The following ARHGAP10 variants were observed in gnomAD, a reference collection of about 807,000 sequenced individuals.
ARHGAP10 encodes the protein Rho GTPase activating protein 10.
ARHGAP10 carries 87 observed loss-of-function variants against 108.6 expected under a neutral mutation model. That is an observed-to-expected ratio of 0.80 (90% CI 0.67 to 0.96). ARHGAP10 has a LOEUF of 0.96. ARHGAP10 is among the 40% of genes least tolerant of loss of function. ARHGAP10 has a pLI of 0.00. For synonymous variants in ARHGAP10, 347 were observed against 341.1 expected, an observed-to-expected ratio of 1.02 and a Z score of -0.19; for missense variants, 939 against 954.5, an observed-to-expected ratio of 0.98 and a Z score of 0.21.
In ARHGAP10 at chr4:147,741,792, GCACACACACACACACACACACACA is replaced by G. The variant is rs112095776; in HGVS notation, c.154+9351_154+9374del. ...TACACACACACACACACACACACACGCACACACACACACACACACACACACACACACACACACCAGGCGCTTTGC... is the reference window on the plus strand; with the variant it reads ...TACACACACACACACACACACACACGCACACACACACACCAGGCGCTTTGC... On this transcript the variant is annotated intron_variant, in intron 1 of 22. Transcript: ENST00000336498. 1.9e-4 allele frequency among the ~76,000 whole-genome samples: 11 copies of G among 57,664 alleles called. No individual in the cohort carries two copies. The East Asian group carries it at 3.4e-3, about 18-fold the overall frequency. The allele number at this position is 57,664 out of a possible 152,430, so 37.8% of individuals were successfully genotyped here.
intron 3 of ARHGAP10, among the ~76,000 whole-genome samples, chr4:147,831,472 A>G (rs1055600676): frequency 2.6e-5 from 4 of 152,200 alleles, no homozygotes; most frequent in Non-Finnish European, 5.9e-5. Flanking sequence ...AGTATTTTAT[A>G]TGGCATGTGA....
chr4:147,757,508 C>A (rs1267078348), intron 1 of ARHGAP10, among the ~76,000 whole-genome samples: 2 of 152,112 alleles, frequency 1.3e-5, no homozygotes, highest in African/African-American at 4.8e-5. Context: ...GGCAGTGTAG[C>A]TTTGAGAGAA....
chr4:147,952,003 A>G (rs906275292), intron 15 of ARHGAP10, among the ~76,000 whole-genome samples: 3 of 152,180 alleles, frequency 2.0e-5, no homozygotes, highest in Non-Finnish European at 2.9e-5. Flanking sequence ...GTAATTTTAT[A>G]TAAATAGAAT....
At position 147,837,848 on chromosome 4, in the gene ARHGAP10, C is replaced by T. The variant is rs533117657; in HGVS notation, c.313-9303C>T. Among the ~76,000 whole-genome samples, 40 of 151,744 alleles carry T rather than the reference C, an allele frequency of 2.6e-4. No homozygotes were observed. In the South Asian group the frequency reaches 7.7e-3, roughly 29 times the overall value. ...GGAAGGGGTTTCAAGTGCTGGGCAG[C>T]CCAAAAGGACTGATGTTCCTGTATG... On this transcript the variant is annotated intron_variant, in intron 3 of 22. Transcript: ENST00000336498.
Position 147,732,210 on chromosome 4 carries a change from T to G in ARHGAP10, c.-92T>G. ...GGCCTGCTAGCTCCTCTGTGCTCCC[T>G]GAACGCGCGGCGCCGCACCTGGCAG... On this transcript the variant is annotated 5_prime_UTR_variant, in exon 1 of 23. Transcript: ENST00000336498. The G allele has an allele frequency of 7.5e-7, 1 of 1,339,952 alleles. No individual in the cohort carries two copies. Among genetic ancestry groups the G allele is most frequent in the Non-Finnish European group, 9.7e-7 (1 of 1,033,176 alleles). 83.0% of individuals were successfully genotyped at this position (1,339,952 alleles called of 1,614,324 possible).
chr4:147,793,005 A>T (rs113890335), intron 1 of ARHGAP10, among the ~76,000 whole-genome samples: 16,930 of 151,934 alleles, frequency 0.11, 2,863 homozygotes, highest in African/African-American at 0.37. Context: ...GGGTGTGGTG[A>T]TGCATGCCTG....
chr4:147,753,301 A>G (rs1729235166), intron 1 of ARHGAP10, among the ~76,000 whole-genome samples: 1 of 152,038 alleles, frequency 6.6e-6, no homozygotes, highest in Admixed American at 6.6e-5. Context: ...CTGTCAGTTC[A>G]GGAAGCTCAT....
chr4:148,067,437 G>C (rs761082200), intron 22 of ARHGAP10, among the ~76,000 whole-genome samples: 6 of 152,200 alleles, frequency 3.9e-5, no homozygotes, highest in Non-Finnish European at 8.8e-5. Flanking sequence ...TGAGAAGACA[G>C]ACTGGCAGGT....
intron 3 of ARHGAP10, among the ~76,000 whole-genome samples, chr4:147,825,810 C>T (rs4835459): frequency 0.9 from 136,911 of 152,200 alleles, 62,699 homozygotes; most frequent in Non-Finnish European, 0.99. Flanking sequence ...AGTTGTACTT[C>T]CCTGGCATCC....
At chr4:147,756,896 T>C (rs1054619855) in intron 1 of ARHGAP10, among the ~76,000 whole-genome samples, 1 of 151,700 alleles carries the variant, frequency 6.6e-6, no homozygotes, top group Non-Finnish European at 1.5e-5. Context: ...TTTTTTTTTT[T>C]CATCAGATTA....
At chr4:147,851,791 G>A (rs756166782) in intron 4 of ARHGAP10, among the ~76,000 whole-genome samples, 8 of 152,182 alleles carry the variant, frequency 5.3e-5, no homozygotes, top group Non-Finnish European at 1.0e-4. Flanking sequence ...TGTCAAAAAA[G>A]CAATAAAAAT....
intron 18 of ARHGAP10, among the ~76,000 whole-genome samples, chr4:147,977,377 G>A (rs1739634717): frequency 6.6e-6 from 1 of 151,992 alleles, no homozygotes; most frequent in African/African-American, 2.4e-5. Context: ...ATATGGGCTT[G>A]GTTTTTTGCC....
chr4:147,826,768 C>G (rs1378365532), intron 3 of ARHGAP10, among the ~76,000 whole-genome samples: 1 of 152,164 alleles, frequency 6.6e-6, no homozygotes, highest in African/African-American at 2.4e-5. Context: ...TCTCAAAAAG[C>G]AGACACTTAA....
intron 6 of ARHGAP10, chr4:147,865,967 A>G (rs1453440570): frequency 6.6e-6 from 1 of 152,254 alleles, no homozygotes; most frequent in Non-Finnish European, 1.5e-5. Flanking sequence ...GGAGATAAGG[A>G]AATAGAAGTA....
At position 147,769,273 on chromosome 4, in the gene ARHGAP10, A is replaced by G. The variant is rs902906876; in HGVS notation, c.154+36818A>G. 2.0e-5 allele frequency among the ~76,000 whole-genome samples: 3 copies of G among 152,300 alleles called. No homozygotes were observed. The East Asian group carries it at 5.8e-4, about 29-fold the overall frequency. On this transcript the variant is annotated intron_variant, in intron 1 of 22. Transcript: ENST00000336498. Reference sequence around the variant, plus strand: ...TCCATCATGATCCTAATTACCACCAATGAAGGTAATTAGGGAAATTACTCA... The same window carrying G: ...TCCATCATGATCCTAATTACCACCAGTGAAGGTAATTAGGGAAATTACTCA...
At chr4:148,034,347 C>T (rs997308792) in intron 19 of ARHGAP10, among the ~76,000 whole-genome samples, 1 of 152,104 alleles carries the variant, frequency 6.6e-6, no homozygotes, top group African/African-American at 2.4e-5. Flanking sequence ...GAGACCATTT[C>T]GCTCTTGTTG....
intron 18 of ARHGAP10, among the ~76,000 whole-genome samples, chr4:147,983,464 C>T (rs149410227): frequency 3.9e-5 from 6 of 151,966 alleles, no homozygotes; most frequent in African/African-American, 9.7e-5. Flanking sequence ...GGATTATAGG[C>T]GTGAGCCACT....
chr4:147,779,039 C>T (rs1309190060), intron 1 of ARHGAP10, among the ~76,000 whole-genome samples: 2 of 152,150 alleles, frequency 1.3e-5, no homozygotes, highest in African/African-American at 2.4e-5. Context: ...TTCTTCCGGG[C>T]AGTGGTTCCC....
Position 147,759,664 on chromosome 4 carries a change from C to T in ARHGAP10, c.154+27209C>T, listed in dbSNP as rs1348961817. 2.0e-5 allele frequency among the ~76,000 whole-genome samples: 3 copies of T among 150,290 alleles called. No homozygotes were observed. In the East Asian group the frequency reaches 6.0e-4, roughly 30 times the overall value. ...TGGCGTATCCAAAATATTATTTCAA[C>T]GTGTAACCAGCATAAAAATGATTGA... On this transcript the variant is annotated intron_variant, in intron 1 of 22. Coordinates refer to ENST00000336498, the MANE Select transcript of ARHGAP10 (RefSeq NM_024605.4).
Sources: gnomAD v4.1 joint callset for allele counts (sites outside exome capture counted in the v4.1 genomes callset) on GRCh38, gnomAD v4.1.1 for gene constraint, MANE v1.5 for transcripts, NCBI Gene and HGNC (gene_info 2026-07-23, HGNC 2026-07-21) for gene names.